The following ENOX1 variants were observed in gnomAD, a reference collection of about 807,000 sequenced individuals.
The protein encoded by ENOX1 is candidate growth-related and time keeping constitutive hydroquinone (NADH) oxidase.
In ENOX1, 42 loss-of-function variants were observed where a neutral mutation model predicts 82.5. The observed-to-expected ratio is 0.51, with a 90% CI of 0.40 to 0.66. ENOX1 has a LOEUF of 0.66. Ranked by LOEUF, ENOX1 falls within the 30% of genes least tolerant of loss-of-function variation. ENOX1 has a pLI of 0.00. For missense variants in ENOX1, 608 were observed against 811.6 expected, an observed-to-expected ratio of 0.75 and a Z score of 3.05; for synonymous variants, 271 against 282.2, an observed-to-expected ratio of 0.96 and a Z score of 0.40.
chr13:43,758,866 T>C (rs1174449220), intron 1 of ENOX1, among the ~76,000 whole-genome samples: 2 of 152,190 alleles, frequency 1.3e-5, no homozygotes, highest in South Asian at 4.1e-4. Context: ...TTTGTAGTAA[T>C]AGTAACAACA....
chr13:43,271,337 G>A (rs1444834361), intron 12 of ENOX1, among the ~76,000 whole-genome samples: 1 of 151,972 alleles, frequency 6.6e-6, no homozygotes, highest in Non-Finnish European at 1.5e-5. Context: ...CACAGAAGAA[G>A]CTCAAAAAGC....
At chr13:43,226,969 C>T (rs141572544) in intron 15 of ENOX1, among the ~76,000 whole-genome samples, 1,838 of 150,786 alleles carry the variant, frequency 0.012, 44 homozygotes, top group Admixed American at 0.062. Flanking sequence ...CTACCCCAGG[C>T]AAATAAATAA....
intron 12 of ENOX1, among the ~76,000 whole-genome samples, chr13:43,284,076 C>T (rs2045556526): frequency 6.6e-6 from 1 of 152,002 alleles, no homozygotes; most frequent in Admixed American, 6.6e-5. Flanking sequence ...GCTTTAAGGC[C>T]TAGTATGGGA....
intron 2 of ENOX1, among the ~76,000 whole-genome samples, chr13:43,582,436 T>C (rs1232432292): frequency 6.6e-6 from 1 of 152,170 alleles, no homozygotes; most frequent in South Asian, 2.1e-4. Context: ...AGTGTCTTAT[T>C]TATTTTCAAT....
rs557762064 is a variant in ENOX1, at chr13:43,749,556, A to G, written c.-285+37096T>C. ...AGCAAGGACAACATCAGCATCAAGT[A>G]GCAAAGATGCACCTGTTTCCCAGCA... On this transcript the variant is annotated intron_variant, in intron 1 of 16. Coordinates refer to ENST00000690772, the MANE Select transcript of ENOX1 (RefSeq NM_001347969.2). Among the ~76,000 whole-genome samples the G allele has an allele frequency of 1.3e-4, 20 of 152,358 alleles. 1 individual carries two copies. In the South Asian group the frequency reaches 4.1e-3, roughly 32 times the overall value.
chr13:43,670,127 C>T (rs553605355), intron 1 of ENOX1, among the ~76,000 whole-genome samples: 156 of 152,230 alleles, frequency 1.0e-3, no homozygotes, highest in Middle Eastern at 3.4e-3. Flanking sequence ...TTCTTTACAA[C>T]GACACAGAGT....
intron 11 of ENOX1, among the ~76,000 whole-genome samples, chr13:43,301,557 C>A (rs1320416665): frequency 7.3e-6 from 1 of 136,466 alleles, no homozygotes; most frequent in Non-Finnish European, 1.6e-5. Flanking sequence ...ATTAAAAAAA[C>A]CCACAACAGC....
chr13:43,785,102 A>T (rs1952494023), intron 1 of ENOX1, among the ~76,000 whole-genome samples: 1 of 152,270 alleles, frequency 6.6e-6, no homozygotes, highest in South Asian at 2.1e-4. Flanking sequence ...TATCACTTTC[A>T]AATCTGTATA....
chr13:43,541,957 C>T (rs79738954), intron 2 of ENOX1, among the ~76,000 whole-genome samples: 1,994 of 151,896 alleles, frequency 0.013, 46 homozygotes, highest in African/African-American at 0.046. Flanking sequence ...AGAATCCCTC[C>T]GAAAAAAAGA....
At chr13:43,574,021 C>A (rs932127535) in intron 2 of ENOX1, among the ~76,000 whole-genome samples, 1 of 152,104 alleles carries the variant, frequency 6.6e-6, no homozygotes, top group Non-Finnish European at 1.5e-5. Context: ...TAATTCTGTA[C>A]AAAATGCCTT....
At chr13:43,762,487 G>A (rs1016053091) in intron 1 of ENOX1, among the ~76,000 whole-genome samples, 3 of 152,104 alleles carry the variant, frequency 2.0e-5, no homozygotes, top group Admixed American at 6.5e-5. Flanking sequence ...AACTCCCTAC[G>A]ATTGTCCCTC....
chr13:43,272,157 A>G (rs1192763250), intron 12 of ENOX1, among the ~76,000 whole-genome samples: 1 of 152,182 alleles, frequency 6.6e-6, no homozygotes, highest in Non-Finnish European at 1.5e-5. Context: ...TAGGTTTGTT[A>G]CATAGGTATA....
intron 2 of ENOX1, among the ~76,000 whole-genome samples, chr13:43,636,338 A>C (rs2083413405): frequency 6.6e-6 from 1 of 152,220 alleles, no homozygotes; most frequent in Non-Finnish European, 1.5e-5. Context: ...AGTCTGGTTA[A>C]TAACTGTTTC....
At chr13:43,748,905 C>T (rs1950166362) in intron 1 of ENOX1, among the ~76,000 whole-genome samples, 1 of 152,056 alleles carries the variant, frequency 6.6e-6, no homozygotes, top group South Asian at 2.1e-4. Context: ...TGACAGACTG[C>T]CTGGGTTTAA....
chr13:43,335,654 G>A (rs1157733898), intron 9 of ENOX1, among the ~76,000 whole-genome samples: 1 of 151,194 alleles, frequency 6.6e-6, no homozygotes, highest in African/African-American at 2.4e-5. Context: ...TATTGTTCCA[G>A]AGTGTAAGAC....
At chr13:43,350,371 G>A (rs190230377) in intron 8 of ENOX1, among the ~76,000 whole-genome samples, 3 of 152,322 alleles carry the variant, frequency 2.0e-5, no homozygotes, top group Non-Finnish European at 2.9e-5. Context: ...GGCACAAAGC[G>A]ATGGGTACCT....
At chr13:43,507,120 G>C (rs1566408237) in intron 2 of ENOX1, among the ~76,000 whole-genome samples, 3 of 151,800 alleles carry the variant, frequency 2.0e-5, no homozygotes, top group South Asian at 2.1e-4. Context: ...AAAGAAAATT[G>C]TGTTTAATAA....
At chr13:43,437,848 T>A (rs922644637) in intron 3 of ENOX1, among the ~76,000 whole-genome samples, 29 of 152,156 alleles carry the variant, frequency 1.9e-4, no homozygotes, top group African/African-American at 6.7e-4. Flanking sequence ...ATAAAGCAGA[T>A]AAATGGGTAA....
rs970309737 is a variant in ENOX1 at position 43,587,292 on chromosome 13, G to A, written c.-219+80187C>T. On this transcript the variant is annotated intron_variant, in intron 2 of 16. Coordinates refer to ENST00000690772, the MANE Select transcript of ENOX1 (RefSeq NM_001347969.2). ...TTCTTTCAATTTTCAGCATAGATAAGTTTTTTACTTTCAAATCATCCATTA... is the reference window on the plus strand; with the variant it reads ...TTCTTTCAATTTTCAGCATAGATAAATTTTTTACTTTCAAATCATCCATTA... Among the ~76,000 whole-genome samples, 8 of 152,112 alleles carry A rather than the reference G, an allele frequency of 5.3e-5. No homozygotes were observed. The South Asian group carries it at 1.0e-3, about 20-fold the overall frequency.
Sources: gnomAD v4.1 joint callset for allele counts (sites outside exome capture counted in the v4.1 genomes callset) on GRCh38, gnomAD v4.1.1 for gene constraint, MANE v1.5 for transcripts, NCBI Gene and HGNC (gene_info 2026-07-23, HGNC 2026-07-21) for gene names.